SEC23IP: variants seen among roughly 807,000 people sequenced by gnomAD.
SEC23IP encodes the protein SEC23-interacting protein.
A neutral mutation model predicts 113.4 loss-of-function variants in SEC23IP; 70 were observed. The ratio of observed to expected loss-of-function variants is 0.62; its 90% CI spans 0.51 to 0.75. The LOEUF is 0.75. Among genes scored for constraint, SEC23IP ranks in the 30% least tolerant of loss-of-function variants. The pLI is 0.00. For missense variants in SEC23IP, 1,160 were observed against 1,204.9 expected, an observed-to-expected ratio of 0.96 and a Z score of 0.55; for synonymous variants, 398 against 421.0, an observed-to-expected ratio of 0.95 and a Z score of 0.67.
intron 5 of SEC23IP, among the ~76,000 whole-genome samples, chr10:119,911,344 T>C (rs1854855701): frequency 6.6e-6 from 1 of 152,008 alleles, no homozygotes; most frequent in African/African-American, 2.4e-5. Context: ...CAGGCTGCTC[T>C]GGAACTCCTG....
intron 13 of SEC23IP, among the ~76,000 whole-genome samples, chr10:119,926,497 C>T (rs1030106176): frequency 6.6e-6 from 1 of 152,170 alleles, no homozygotes; most frequent in Non-Finnish European, 1.5e-5. Context: ...TCTCTTATAG[C>T]CACTAACAAC....
At chr10:119,924,444 G>A (rs1320451667) in intron 12 of SEC23IP, among the ~76,000 whole-genome samples, 2 of 150,262 alleles carry the variant, frequency 1.3e-5, no homozygotes, top group Non-Finnish European at 3.0e-5. Flanking sequence ...TTTTTGAGAC[G>A]GAGTCCCGCT....
intron 8 of SEC23IP, among the ~76,000 whole-genome samples, chr10:119,916,591 G>A (rs1325948724): frequency 1.3e-5 from 2 of 152,124 alleles, no homozygotes; most frequent in Non-Finnish European, 2.9e-5. Flanking sequence ...TTCTTTCTCT[G>A]TGTGTATTCC....
intron 18 of SEC23IP, among the ~76,000 whole-genome samples, chr10:119,935,550 C>T (rs146533948): frequency 1.9e-4 from 29 of 152,310 alleles, no homozygotes; most frequent in Middle Eastern, 3.4e-3. Flanking sequence ...TCCATCCATT[C>T]ATCCATCTGT....
At chr10:119,935,703 A>G (rs1855755864) in intron 18 of SEC23IP, among the ~76,000 whole-genome samples, 1 of 152,226 alleles carries the variant, frequency 6.6e-6, no homozygotes, top group Non-Finnish European at 1.5e-5. Flanking sequence ...AATGGAAGGC[A>G]GACAGCACGT....
Position 119,898,593 on chromosome 10 carries a change from A to G in SEC23IP, c.330A>G (p.Gln110=), listed in dbSNP as rs7094098. 2.5e-3 allele frequency: 3,972 copies of G among 1,614,202 alleles called. 88 individuals are homozygous for G. In the African/African-American group the frequency reaches 0.046, roughly 19 times the overall value. Residue 110 remains glutamine, a synonymous_variant, in exon 2 of 19, where the codon CAA becomes CAG. Transcript: ENST00000369075. Reference sequence around the variant, plus strand: ...CAACTGCAGCAACCTCAGTTGGACAATCAGGATTCCCCAAGCCCCTGACTG... The same window carrying G: ...CAACTGCAGCAACCTCAGTTGGACAGTCAGGATTCCCCAAGCCCCTGACTG... ...PLTTAATSVG[Q]SGFPKPLTAL...
At chr10:119,915,210 A>T (rs1290625685) in intron 7 of SEC23IP, among the ~76,000 whole-genome samples, 2 of 152,234 alleles carry the variant, frequency 1.3e-5, no homozygotes, top group African/African-American at 4.8e-5. Flanking sequence ...ATGTCCATGT[A>T]ATAATAGTTC....
intron 10 of SEC23IP, 149 bp downstream of exon 10, chr10:119,918,660 T>C (rs1855135941): frequency 1.6e-6 from 1 of 624,590 alleles, no homozygotes; most frequent in Non-Finnish European, 2.8e-6. Context: ...CTTGGGCTAG[T>C]CTTGAGTTCC....
chr10:119,912,278 T>C (rs1854889490), intron 6 of SEC23IP, 114 bp downstream of exon 6: 1 of 1,082,140 alleles, frequency 9.2e-7, no homozygotes, highest in East Asian at 2.6e-5. Context: ...ACAGCAGCCA[T>C]TGCACCACCA....
chr10:119,914,895 G>C, intron 7 of SEC23IP, 76 bp downstream of exon 7: 6 of 1,378,704 alleles, frequency 4.4e-6, no homozygotes, highest in Non-Finnish European at 6.2e-6. Context: ...TCATTTTTAG[G>C]ATAGTTCCCA....
chr10:119,923,976 T>C (rs1469590121), intron 12 of SEC23IP, among the ~76,000 whole-genome samples: 1 of 152,252 alleles, frequency 6.6e-6, no homozygotes, highest in Non-Finnish European at 1.5e-5. Context: ...TAGAATGTTT[T>C]ATGAATTTAA....
At chr10:119,902,460 A>AT (rs1391463269) in intron 2 of SEC23IP, among the ~76,000 whole-genome samples, 1 of 152,002 alleles carries the variant, frequency 6.6e-6, no homozygotes, top group African/African-American at 2.4e-5. Context: ...CTTGTAATTG[A>AT]TTTTTTTCTA....
Position 119,932,226 on chromosome 10 carries a change from C to T in SEC23IP, c.2666C>T (p.Ala889Val). 6.2e-7 allele frequency: 1 copy of T among 1,613,044 alleles called. No individual in the cohort carries two copies. Among genetic ancestry groups the T allele is most frequent in the Non-Finnish European group, 8.5e-7 (1 of 1,179,052 alleles). ...KSAWQTLNEF[A>V]RAHTSSTQLQ... ...GCTTGGCAGACATTAAATGAGTTTG[C>T]CCGTGCTCATACGTCTTCAACCCAG... Residue 889 changes from alanine (A) to valine (V), a missense_variant, in exon 16 of 19, where the codon GCC becomes GTC. Ala to Val is a moderately conservative substitution (Grantham distance 64). Transcript: ENST00000369075.
At chr10:119,914,112 A>G (rs1174824097) in intron 6 of SEC23IP, among the ~76,000 whole-genome samples, 2 of 152,192 alleles carry the variant, frequency 1.3e-5, no homozygotes, top group Non-Finnish European at 2.9e-5. Flanking sequence ...GTGAGCCGAG[A>G]TGGCGCCATT....
chr10:119,939,630 G>C (rs184883823), intron 18 of SEC23IP, among the ~76,000 whole-genome samples: 1 of 152,106 alleles, frequency 6.6e-6, no homozygotes, highest in Non-Finnish European at 1.5e-5. Context: ...AGCTGAGATC[G>C]TGCCATTGCA....
intron 2 of SEC23IP, among the ~76,000 whole-genome samples, chr10:119,901,779 C>T (rs547304953): frequency 1.1e-4 from 16 of 152,190 alleles, no homozygotes; most frequent in Middle Eastern, 3.4e-3. Flanking sequence ...CTCCGCCTCC[C>T]GGGTTCAAGC....
chr10:119,939,325 A>G (rs932421463), intron 18 of SEC23IP, among the ~76,000 whole-genome samples: 9 of 152,186 alleles, frequency 5.9e-5, no homozygotes, highest in African/African-American at 2.2e-4. Flanking sequence ...TCTCAAAAAT[A>G]AATAATTAAA....
intron 2 of SEC23IP, among the ~76,000 whole-genome samples, chr10:119,899,215 A>G (rs1854395151): frequency 6.6e-6 from 1 of 152,242 alleles, no homozygotes; most frequent in South Asian, 2.1e-4. Flanking sequence ...CAGTATTTCC[A>G]GATTTTAGAG....
intron 7 of SEC23IP, 22 bp from the exon 8 acceptor site, chr10:119,915,726 C>CTTTTT (rs398046283): frequency 4.3e-6 from 5 of 1,156,006 alleles, no homozygotes; most frequent in Admixed American, 5.4e-5. Flanking sequence ...TTTATTTTCT[C>CTTTTT]TTTTTTTTTT....
Sources: gnomAD v4.1 joint callset for allele counts (sites outside exome capture counted in the v4.1 genomes callset) on GRCh38, gnomAD v4.1.1 for gene constraint, MANE v1.5 for transcripts, NCBI Gene and HGNC (gene_info 2026-07-23, HGNC 2026-07-21) for gene names.